Variants in CCDC150 observed in about 807,000 individuals in gnomAD.
CCDC150 encodes coiled-coil domain containing 150, also known as coiled-coil domain-containing protein 150.
A neutral mutation model predicts 156.5 loss-of-function variants in CCDC150; 151 were observed. That is an observed-to-expected ratio of 0.97 (90% CI 0.85 to 1.10). The LOEUF (loss-of-function observed/expected upper bound fraction) is 1.10. CCDC150 is among the 50% of genes least tolerant of loss of function. The pLI is 0.00. For missense variants in CCDC150, 1,312 were observed against 1,268.1 expected, an observed-to-expected ratio of 1.03 and a Z score of -0.53; for synonymous variants, 452 against 429.4, an observed-to-expected ratio of 1.05 and a Z score of -0.65.
chr2:196,687,144 G>T (rs1287583604), intron 13 of CCDC150, among the ~76,000 whole-genome samples: 1 of 152,126 alleles, frequency 6.6e-6, no homozygotes, highest in Non-Finnish European at 1.5e-5. Context: ...AGATTGCTGG[G>T]TCAAATGGTA....
intron 6 of CCDC150, among the ~76,000 whole-genome samples, chr2:196,666,458 T>G (rs1693844741): frequency 6.6e-6 from 1 of 152,210 alleles, no homozygotes; most frequent in Non-Finnish European, 1.5e-5. Context: ...AAAAGATTTA[T>G]TTTTTCACAC....
chr2:196,659,241 C>G (rs750440080), intron 5 of CCDC150, among the ~76,000 whole-genome samples: 1 of 152,142 alleles, frequency 6.6e-6, no homozygotes, highest in Non-Finnish European at 1.5e-5. Flanking sequence ...CTTAAACTTT[C>G]ATTTCAGCTT....
chr2:196,676,668 A>G lies in CCDC150; in HGVS notation c.1377A>G (p.Glu459=), dbSNP rs200449907. ...LESTIARLRG[E]LEASMQEKKS... is the part of the protein sequence containing the mutation. The stretch of plus-strand genomic sequence containing the variant: ...CAACTATTGCAAGATTGCGAGGTGA[A>G]TTGGAAGCATCAATGCAAGAGAAGA... The change falls in exon 12 of 28, where the codon GAA becomes GAG. Residue 459 remains glutamate, a synonymous_variant. Transcript: ENST00000389175. 6 of 1,613,886 alleles carry G rather than the reference A, an allele frequency of 3.7e-6. No individual in the cohort carries two copies. In the African/African-American group the frequency reaches 5.3e-5, roughly 14 times the overall value.
intron 19 of CCDC150, chr2:196,719,916 C>G: frequency 2.9e-6 from 1 of 340,150 alleles, no homozygotes; most frequent in Non-Finnish European, 5.5e-6. Flanking sequence ...TAGAAATTCA[C>G]TAGCTGTACT....
intron 15 of CCDC150, among the ~76,000 whole-genome samples, chr2:196,710,866 G>GTT (rs199830867): frequency 6.8e-5 from 10 of 148,052 alleles, no homozygotes; most frequent in South Asian, 2.1e-4. Context: ...TTTAACGGTA[G>GTT]TTTTTTTTTT....
rs79569154 is a variant in CCDC150, at chr2:196,703,255, A to G, written c.1695+2075A>G. 4.8e-4 allele frequency among the ~76,000 whole-genome samples: 73 copies of G among 152,350 alleles called. 2 individuals carry two copies. In the East Asian group the frequency reaches 0.013, roughly 27 times the overall value. ...TACTCAAAGGGTTTACCATAGGGTT[A>G]GCAGACAGGATAGGGCCCAGAAATA... On this transcript the variant is annotated intron_variant, in intron 15 of 27. Transcript: ENST00000389175.
intron 18 of CCDC150, 40 bp downstream of exon 18, chr2:196,718,671 G>C (rs1363566489): frequency 2.5e-6 from 4 of 1,604,748 alleles, no homozygotes; most frequent in Non-Finnish European, 3.4e-6. Context: ...TCACTGAGAA[G>C]AAGCACTTAT....
At chr2:196,654,972 G>A (rs1324007322) in intron 2 of CCDC150, among the ~76,000 whole-genome samples, 1 of 152,178 alleles carries the variant, frequency 6.6e-6, no homozygotes, top group African/African-American at 2.4e-5. Flanking sequence ...AGGTTAAGAT[G>A]TGCCAAGTCT....
intron 1 of CCDC150, among the ~76,000 whole-genome samples, chr2:196,641,853 C>T (rs558414481): frequency 4.6e-5 from 7 of 152,208 alleles, no homozygotes; most frequent in South Asian, 2.1e-4. Flanking sequence ...TACTTGTATA[C>T]GCTTTTGCCA....
Position 196,682,927 on chromosome 2 carries a change from C to T in CCDC150, c.1509+5566C>T, listed in dbSNP as rs148964760. 1.4e-4 allele frequency among the ~76,000 whole-genome samples: 22 copies of T among 152,032 alleles called. 1 individual carries two copies. In the East Asian group the frequency reaches 3.5e-3, roughly 24 times the overall value. On this transcript the variant is annotated intron_variant, in intron 13 of 27. Coordinates refer to ENST00000389175, the MANE Select transcript of CCDC150 (RefSeq NM_001080539.2). ...TTTTGTTCTGTTGCCTGGCTGGTCT[C>T]GAACTCCTGGGCTCTCTATTTGCTA...
chr2:196,689,060 T>C (rs950278898), intron 13 of CCDC150, among the ~76,000 whole-genome samples: 6 of 152,168 alleles, frequency 3.9e-5, no homozygotes, highest in Admixed American at 6.5e-5. Flanking sequence ...GTTGTAGATA[T>C]GCGGCGTTAT....
chr2:196,641,475 T>C (rs1157271463), intron 1 of CCDC150, among the ~76,000 whole-genome samples: 1 of 152,204 alleles, frequency 6.6e-6, no homozygotes, highest in African/African-American at 2.4e-5. Flanking sequence ...GCTCAAATGT[T>C]ATGAGGCCTT....
At chr2:196,669,242 T>C (rs1170836559) in intron 7 of CCDC150, among the ~76,000 whole-genome samples, 1 of 152,182 alleles carries the variant, frequency 6.6e-6, no homozygotes, top group East Asian at 1.9e-4. Context: ...CATAGAAAAC[T>C]TGTGTTTCAC....
intron 2 of CCDC150, among the ~76,000 whole-genome samples, chr2:196,647,743 T>C (rs1415118320): frequency 1.3e-5 from 2 of 152,192 alleles, no homozygotes; most frequent in African/African-American, 4.8e-5. Context: ...CACATACTTA[T>C]TTCCTTGTGG....
chr2:196,686,710 G>A (rs1695149713), intron 13 of CCDC150, among the ~76,000 whole-genome samples: 2 of 151,834 alleles, frequency 1.3e-5, no homozygotes, highest in South Asian at 4.2e-4. Flanking sequence ...GATTTGTTAT[G>A]CAGATTATTT....
intron 13 of CCDC150, among the ~76,000 whole-genome samples, chr2:196,690,050 A>C (rs2125641970): frequency 6.6e-6 from 1 of 152,314 alleles, no homozygotes; most frequent in East Asian, 1.9e-4. Flanking sequence ...CAGCCATAAA[A>C]AATGATGAGT....
chr2:196,671,150 A>G (rs895351515), intron 8 of CCDC150, among the ~76,000 whole-genome samples: 3 of 152,202 alleles, frequency 2.0e-5, no homozygotes, highest in East Asian at 1.9e-4. Flanking sequence ...TATATCTACC[A>G]TTATAGTAGA....
intron 17 of CCDC150, chr2:196,713,313 A>G (rs1283949136): frequency 7.0e-7 from 1 of 1,428,044 alleles, no homozygotes; most frequent in Non-Finnish European, 9.2e-7. Context: ...TTGAAAAATA[A>G]CTCTAGGTTT....
chr2:196,642,221 T>C (rs1692271974), intron 1 of CCDC150, among the ~76,000 whole-genome samples: 2 of 152,214 alleles, frequency 1.3e-5, no homozygotes. Flanking sequence ...AGCACAGATA[T>C]GTTAAAGCTG....
Sources: gnomAD v4.1 joint callset for allele counts (sites outside exome capture counted in the v4.1 genomes callset) on GRCh38, gnomAD v4.1.1 for gene constraint, MANE v1.5 for transcripts, NCBI Gene and HGNC (gene_info 2026-07-23, HGNC 2026-07-21) for gene names.